SEC11C: variants seen among roughly 807,000 people sequenced by gnomAD.
SEC11C encodes the protein SEC11 homolog C, signal peptidase complex subunit, also known as signal peptidase complex catalytic subunit SEC11C.
SEC11C carries 10 observed loss-of-function variants against 21.9 expected under a neutral mutation model. That is an observed-to-expected ratio of 0.46 (90% CI 0.28 to 0.77). The LOEUF (loss-of-function observed/expected upper bound fraction) is 0.77. Ranked by LOEUF, SEC11C falls within the 30% of genes least tolerant of loss-of-function variation. SEC11C has a pLI of 0.12. For missense variants in SEC11C, 145 were observed against 244.5 expected, an observed-to-expected ratio of 0.59 and a Z score of 2.71; for synonymous variants, 83 against 85.6, an observed-to-expected ratio of 0.97 and a Z score of 0.17.
intron 1 of SEC11C, among the ~76,000 whole-genome samples, chr18:59,149,203 T>G (rs963018914): frequency 6.6e-6 from 1 of 152,166 alleles, no homozygotes; most frequent in African/African-American, 2.4e-5. Context: ...CCTTGAGTAG[T>G]GGAACTCTCT....
intron 4 of SEC11C, chr18:59,157,331 C>T (rs144131593): frequency 4.5e-4 from 136 of 299,844 alleles, no homozygotes; most frequent in African/African-American, 2.8e-3. Context: ...TCTTTTTGTA[C>T]AAGCGGCTTA....
Position 59,155,803 on chromosome 18 carries a change from AGAGG to A in SEC11C, c.465_467+1del. Reference sequence around the variant, plus strand: ...AAAGAAGGACGTGGTGGGAAGAGCAAGAGGGTGAGGATTCACCTTTAAGTTATAT... The same window carrying A: ...AAAGAAGGACGTGGTGGGAAGAGCAAGTGAGGATTCACCTTTAAGTTATAT... On this transcript the variant is annotated frameshift_variant and splice_region_variant, in exon 4 of 6. Coordinates refer to ENST00000587834, the MANE Select transcript of SEC11C (RefSeq NM_033280.4). LOFTEE classifies it high-confidence loss of function. 1 of 1,613,754 alleles carries A rather than the reference AGAGG, an allele frequency of 6.2e-7. No individual in the cohort carries two copies. Among genetic ancestry groups the A allele is most frequent in the Non-Finnish European group, 8.5e-7 (1 of 1,179,798 alleles).
chr18:59,152,563 A>G lies in SEC11C; in HGVS notation c.225A>G (p.Arg75=). The change falls in exon 3 of 6, where the codon AGA becomes AGG. Residue 75 remains arginine, a synonymous_variant. Coordinates refer to ENST00000587834, the MANE Select transcript of SEC11C (RefSeq NM_033280.4). The part of the protein sequence containing the change: ...LSGSMEPAFH[R]GDLLFLTNFR... ...GCAGTATGGAGCCGGCCTTTCACAG[A>G]GGAGACCTCCTGTTCCTCACAAATT... The G allele has an allele frequency of 5.0e-6, 8 of 1,608,964 alleles. No homozygotes were observed. The highest frequency in any genetic ancestry group is 2.2e-5 in the South Asian group (2 of 89,900).
chr18:59,149,333 A>G (rs576432458), intron 1 of SEC11C, among the ~76,000 whole-genome samples, 180 bp from the exon 2 acceptor site: 1 of 152,348 alleles, frequency 6.6e-6, no homozygotes, highest in Admixed American at 6.5e-5. Context: ...AGGAGAGATG[A>G]TATTTGCAAG....
chr18:59,151,177 C>G (rs1331868463), intron 2 of SEC11C, among the ~76,000 whole-genome samples: 1 of 152,212 alleles, frequency 6.6e-6, no homozygotes, highest in Non-Finnish European at 1.5e-5. Context: ...CCTGTGGCCT[C>G]TGCAGTCTGT....
Position 59,139,939 on chromosome 18 carries a change from A to G in SEC11C, c.-10A>G, listed in dbSNP as rs772620294. The G allele has an allele frequency of 6.5e-7, 1 of 1,536,368 alleles. No individual in the cohort carries two copies. Among genetic ancestry groups the G allele is most frequent in the Non-Finnish European group, 8.8e-7 (1 of 1,138,612 alleles). ...AGCCGGCGGGCCGCTAGGTCCCCGG[A>G]GACCCTGCTATGGTGCGTGCGGGCG... On this transcript the variant is annotated 5_prime_UTR_variant, in exon 1 of 6. Transcript: ENST00000587834.
intron 4 of SEC11C, chr18:59,156,203 G>A (rs1055484900): frequency 6.2e-6 from 1 of 160,298 alleles, no homozygotes; most frequent in East Asian, 1.9e-4. Flanking sequence ...TCTAAAAAAA[G>A]AAGAAATATA....
At chr18:59,152,069 C>T (rs1029449046) in intron 2 of SEC11C, among the ~76,000 whole-genome samples, 1 of 151,982 alleles carries the variant, frequency 6.6e-6, no homozygotes, top group African/African-American at 2.4e-5. Flanking sequence ...GGCATCAGGG[C>T]GGGTCCTGCT....
chr18:59,150,446 G>T (rs1040937097), intron 2 of SEC11C, among the ~76,000 whole-genome samples: 1 of 152,326 alleles, frequency 6.6e-6, no homozygotes, highest in East Asian at 1.9e-4. Flanking sequence ...TCACCAGGCC[G>T]CCCTCATGTG....
rs949843594 is a variant in SEC11C, at chr18:59,139,917, C to G, written c.-32C>G. 36 of 1,486,378 alleles carry G rather than the reference C, an allele frequency of 2.4e-5. No homozygotes were observed. Among genetic ancestry groups the G allele is most frequent in the Non-Finnish European group, 3.1e-5 (34 of 1,110,808 alleles). The allele number at this position is 1,486,378 out of a possible 1,614,324, so 92.1% of individuals were successfully genotyped here. A position where few individuals can be genotyped will look rare whatever the true frequency, so the allele number is the denominator to read the frequency against. On this transcript the variant is annotated 5_prime_UTR_variant, in exon 1 of 6. Coordinates refer to ENST00000587834, the MANE Select transcript of SEC11C (RefSeq NM_033280.4). ...CGCAGCCGTCTGTGCCACCCAGAGC[C>G]GGCGGGCCGCTAGGTCCCCGGAGAC... is the stretch of plus-strand genomic sequence containing the variant.
chr18:59,140,705 G>C (rs1368930227), intron 1 of SEC11C, among the ~76,000 whole-genome samples: 1 of 152,190 alleles, frequency 6.6e-6, no homozygotes, highest in Non-Finnish European at 1.5e-5. Context: ...GGGTCTTTGG[G>C]CAGCTGGGGT....
At chr18:59,147,958 GTA>G (rs1400193526) in intron 1 of SEC11C, 2 of 152,324 alleles carry the variant, frequency 1.3e-5, no homozygotes, top group Non-Finnish European at 2.9e-5. Flanking sequence ...GTCCTCAGGT[GTA>G]CACAGAAGTG....
chr18:59,158,808 T>C lies in SEC11C; in HGVS notation c.*123T>C. The C allele has an allele frequency of 1.2e-6, 1 of 819,664 alleles. No individual in the cohort carries two copies. 50.8% of individuals were successfully genotyped at this position (819,664 alleles called of 1,614,324 possible). ...ACAGTGTGGAGATGTTTTTGTCTTG[T>C]CCAAATAAAAGATTCACCAGTAAAG... On this transcript the variant is annotated 3_prime_UTR_variant, in exon 6 of 6. Transcript: ENST00000587834.
At chr18:59,147,338 C>T (rs2069288457) in intron 1 of SEC11C, 1 of 152,234 alleles carries the variant, frequency 6.6e-6, no homozygotes, top group African/African-American at 2.4e-5. Context: ...TCCAGGTCCT[C>T]ACTCCAAACT....
Position 59,152,702 on chromosome 18 carries a change from TC to T in SEC11C, c.347+19del, listed in dbSNP as rs113757923. The T allele has an allele frequency of 1.3e-6, 2 of 1,570,292 alleles. No individual in the cohort carries two copies. ...TCATGAAAAGTAAAGAGGCTTTATTTCCTTTTGGTTTTGTTATGTAAATTTT... is the reference window on the plus strand; with the variant it reads ...TCATGAAAAGTAAAGAGGCTTTATTTCTTTTGGTTTTGTTATGTAAATTTT... On this transcript the variant is annotated intron_variant, in intron 3 of 5. Transcript: ENST00000587834.
intron 3 of SEC11C, 157 bp from the exon 4 acceptor site, chr18:59,155,531 T>TTAA: frequency 3.2e-6 from 2 of 627,662 alleles, no homozygotes; most frequent in South Asian, 4.1e-5. Context: ...TGAATGGTTG[T>TTAA]CTTAAGCAGT....
rs1482913825 is a variant in SEC11C at position 59,151,564 on chromosome 18, G to A, written c.198-972G>A. On this transcript the variant is annotated intron_variant, in intron 2 of 5. Transcript: ENST00000587834. Reference sequence around the variant, plus strand: ...ACCTATCAGAAGGTACTTAGTGACAGGCTGCATTTCTCCCTGCCACCTTCT... The same window carrying A: ...ACCTATCAGAAGGTACTTAGTGACAAGCTGCATTTCTCCCTGCCACCTTCT... Among the ~76,000 whole-genome samples the A allele has an allele frequency of 2.6e-5, 4 of 152,238 alleles. 1 individual carries two copies. Among genetic ancestry groups the A allele is most frequent in the African/African-American group, 9.6e-5 (4 of 41,534 alleles).
chr18:59,143,438 A>G (rs2069234652), intron 1 of SEC11C, among the ~76,000 whole-genome samples: 1 of 152,082 alleles, frequency 6.6e-6, no homozygotes, highest in Non-Finnish European at 1.5e-5. Flanking sequence ...ACCAAAATAC[A>G]TTAACAATTA....
chr18:59,149,455 C>G, intron 1 of SEC11C, 58 bp from the exon 2 acceptor site: 2 of 1,128,538 alleles, frequency 1.8e-6, no homozygotes, highest in Non-Finnish European at 2.7e-6. Flanking sequence ...TCCAGCTTCA[C>G]AGGTTGGTGG....
Sources: gnomAD v4.1 joint callset for allele counts (sites outside exome capture counted in the v4.1 genomes callset) on GRCh38, gnomAD v4.1.1 for gene constraint, MANE v1.5 for transcripts, NCBI Gene and HGNC (gene_info 2026-07-23, HGNC 2026-07-21) for gene names.